Variants in PTBP3 observed in about 807,000 individuals in gnomAD.
PTBP3 encodes polypyrimidine tract binding protein 3, also known as polypyrimidine tract-binding protein 3.
In PTBP3, 20 loss-of-function variants were observed where a neutral mutation model predicts 58.7. The observed-to-expected ratio is 0.34, with a 90% confidence interval of 0.24 to 0.50. The LOEUF (loss-of-function observed/expected upper bound fraction) is 0.50. Among genes scored for constraint, PTBP3 ranks in the 20% least tolerant of loss-of-function variants. The pLI is 0.98. For missense variants in PTBP3, 509 were observed against 637.2 expected (o/e 0.80, Z 2.17); for synonymous variants, 185 against 219.8 (o/e 0.84, Z 1.40).
At chr9:112,337,526 C>T (rs1026186463), upstream of PTBP3, among the ~76,000 whole-genome samples, 2 of 152,170 alleles carry the variant, frequency 1.3e-5, no homozygotes, top group African/African-American at 4.8e-5. Context: ...TCAGATATCA[C>T]CTACATGACC....
intron 1 of PTBP3, among the ~76,000 whole-genome samples, chr9:112,302,852 A>C (rs1269592693): frequency 6.6e-6 from 1 of 152,120 alleles, no homozygotes. Context: ...TGCCTCCTAA[A>C]GTTCTGGGAT....
At chr9:112,236,791 G>T (rs1358703549) in intron 7 of PTBP3, among the ~76,000 whole-genome samples, 2 of 152,084 alleles carry the variant, frequency 1.3e-5, no homozygotes, top group Non-Finnish European at 2.9e-5. Flanking sequence ...ATGGCATTAA[G>T]GGTTTATATC....
Position 112,250,975 on chromosome 9 carries a change from A to G in PTBP3, c.756T>C (p.Thr252=). 1 of 1,610,698 alleles carries G rather than the reference A, an allele frequency of 6.2e-7. No individual in the cohort carries two copies. The highest frequency in any genetic ancestry group is 2.2e-5 in the East Asian group (1 of 44,698). The change falls in exon 7 of 14, where the codon ACT becomes ACC. Residue 252 remains threonine (T), a synonymous_variant. Transcript: ENST00000374257. The part of the protein sequence containing the change: ...SRDFTRLDLP[T]GDGQPSLEPP... ...GTTCAAGGGATGGCTGGCCATCACC[A>G]GTAGGAAGGTCTAAGCGAGTGAAGT...
At chr9:112,285,138 C>T (rs1344445275) in intron 2 of PTBP3, among the ~76,000 whole-genome samples, 1 of 152,102 alleles carries the variant, frequency 6.6e-6, no homozygotes, top group Non-Finnish European at 1.5e-5. Flanking sequence ...GAGGGGGAGA[C>T]CTGGTGGGAG....
chr9:112,372,962 G>A, the PTBP3 span, among the ~76,000 whole-genome samples: 6 of 150,048 alleles, frequency 4.0e-5, no homozygotes, highest in Non-Finnish European at 5.9e-5. Context: ...GCAATGGTGC[G>A]ATCTCAGCTC....
intron 7 of PTBP3, among the ~76,000 whole-genome samples, chr9:112,244,613 G>A (rs1835806352): frequency 6.6e-6 from 1 of 152,064 alleles, no homozygotes; most frequent in Admixed American, 6.6e-5. Context: ...TGGAGGTCGA[G>A]GCTGCAGTGA....
At position 112,220,917 on chromosome 9, in the gene PTBP3, A is replaced by G; in HGVS notation, c.*2934T>C. On this transcript the variant is annotated 3_prime_UTR_variant, in exon 14 of 14. Transcript: ENST00000374257. ...GGATACTACGGTAGATCAACAGAGAAAAACCATTGCTAGAAGATACTGAAT... is the reference window on the plus strand; with the variant it reads ...GGATACTACGGTAGATCAACAGAGAGAAACCATTGCTAGAAGATACTGAAT... The G allele has an allele frequency of 1.0e-6, 1 of 967,496 alleles. No homozygotes were observed. The highest frequency in any genetic ancestry group is 1.2e-6 in the Non-Finnish European group (1 of 813,614). The allele number at this position is 967,496 out of a possible 1,614,324, so 59.9% of individuals were successfully genotyped here.
chr9:112,299,725 T>C (rs754764324), intron 1 of PTBP3, among the ~76,000 whole-genome samples: 13 of 152,308 alleles, frequency 8.5e-5, no homozygotes, highest in Non-Finnish European at 1.8e-4. Flanking sequence ...CCTCCCCCCA[T>C]TGACAACACA....
intron 2 of PTBP3, among the ~76,000 whole-genome samples, chr9:112,289,424 A>G (rs147475977): frequency 1.5e-4 from 23 of 152,314 alleles, no homozygotes; most frequent in African/African-American, 5.1e-4. Flanking sequence ...AAGACAAAAA[A>G]AAAACCTAGC....
chr9:112,339,766 G>A, the PTBP3 span, among the ~76,000 whole-genome samples: 1 of 151,592 alleles, frequency 6.6e-6, no homozygotes, highest in African/African-American at 2.4e-5. Context: ...ATTTTGCCAT[G>A]TTGGCCAGGC....
At chr9:112,371,142 C>G in the PTBP3 span, among the ~76,000 whole-genome samples, 1 of 152,006 alleles carries the variant, frequency 6.6e-6, no homozygotes, top group South Asian at 2.1e-4. Flanking sequence ...GGCTATTGCC[C>G]CCAGTACAAT....
At chr9:112,263,977 G>T (rs1836699493) in intron 4 of PTBP3, among the ~76,000 whole-genome samples, 1 of 150,722 alleles carries the variant, frequency 6.6e-6, no homozygotes, top group Non-Finnish European at 1.5e-5. Flanking sequence ...GCAAGGTGCT[G>T]TCTCAAAAAA....
chr9:112,285,277 T>C (rs1044771298), intron 2 of PTBP3, among the ~76,000 whole-genome samples: 1 of 152,220 alleles, frequency 6.6e-6, no homozygotes, highest in South Asian at 2.1e-4. Context: ...CCTGCTGCCA[T>C]GTAATAAGAC....
Position 112,221,366 on chromosome 9 carries a change from C to T in PTBP3, c.*2485G>A. On this transcript the variant is annotated 3_prime_UTR_variant, in exon 14 of 14. Transcript: ENST00000374257. ...CTCAGACTTAAAAGGCCATTCCCTA[C>T]TTCAAAGTTACATTCAACACCACTA... 1.0e-6 allele frequency: 1 copy of T among 985,820 alleles called. No individual in the cohort carries two copies. The highest frequency in any genetic ancestry group is 1.2e-6 in the Non-Finnish European group (1 of 829,930). 61.1% of individuals were successfully genotyped at this position (985,820 alleles called of 1,614,324 possible).
chr9:112,276,406 T>C (rs1158157845), intron 2 of PTBP3, among the ~76,000 whole-genome samples: 2 of 152,184 alleles, frequency 1.3e-5, no homozygotes, highest in Admixed American at 6.5e-5. Flanking sequence ...GCTAAATAAA[T>C]AAAATTTCAG....
intron 2 of PTBP3, among the ~76,000 whole-genome samples, chr9:112,297,453 C>A (rs1828739395): frequency 6.6e-6 from 1 of 152,204 alleles, no homozygotes; most frequent in South Asian, 2.1e-4. Flanking sequence ...GATCAGCCAG[C>A]CTCGGCCTCC....
intron 1 of PTBP3, among the ~76,000 whole-genome samples, chr9:112,324,645 CTCTT>C (rs1171071433): frequency 7.0e-6 from 1 of 142,500 alleles, no homozygotes; most frequent in Non-Finnish European, 1.5e-5. Context: ...GCGAGACTAC[CTCTT>C]TTTTTTTTTT....
rs368516428 is a variant in PTBP3 at position 112,220,277 on chromosome 9, A to T, written c.*3574T>A. 4.5e-6 allele frequency: 6 copies of T among 1,331,554 alleles called. No homozygotes were observed. Among genetic ancestry groups the T allele is most frequent in the Non-Finnish European group, 4.0e-6 (4 of 1,011,856 alleles). 82.5% of individuals were successfully genotyped at this position (1,331,554 alleles called of 1,614,324 possible). On this transcript the variant is annotated 3_prime_UTR_variant, in exon 14 of 14. Coordinates refer to ENST00000374257, the MANE Select transcript of PTBP3 (RefSeq NM_001163788.4). ...CTGATGGCACGGAGACACTGAAAAG[A>T]ACAGAGAGCCAGGCGTGGTGGCTCA...
At chr9:112,311,216 C>G (rs547687763) in intron 1 of PTBP3, among the ~76,000 whole-genome samples, 1 of 151,210 alleles carries the variant, frequency 6.6e-6, no homozygotes, top group Non-Finnish European at 1.5e-5. Context: ...TTTTAATATA[C>G]GATTGGCCCA....
Sources: allele counts gnomAD v4.1 joint callset (sites outside exome capture counted in the v4.1 genomes callset), GRCh38; gene constraint gnomAD v4.1.1; transcripts MANE v1.5; gene names NCBI Gene and HGNC (gene_info 2026-07-23, HGNC 2026-07-21).